The following ZNF28 variants were observed in gnomAD, a reference collection of about 807,000 sequenced individuals.
ZNF28 encodes zinc finger protein KOX24.
A neutral mutation model predicts 7.2 loss-of-function variants in ZNF28; 5 were observed. The ratio of observed to expected loss-of-function variants is 0.70; its 90% CI spans 0.36 to 1.46. The LOEUF is 1.46. Ranked by LOEUF, ZNF28 falls within the 40% of genes most tolerant of loss-of-function variation. The pLI, the probability that ZNF28 is intolerant of heterozygous loss-of-function variation, is 0.03. For missense variants in ZNF28, 879 were observed against 866.6 expected (o/e 1.01, Z -0.18); for synonymous variants, 288 against 292.4 (o/e 0.99, Z 0.15).
At chr19:52,811,692 C>G (rs2063043950) in intron 2 of ZNF28, among the ~76,000 whole-genome samples, 1 of 148,228 alleles carries the variant, frequency 6.7e-6, no homozygotes, top group African/African-American at 2.6e-5. Flanking sequence ...GCCCCTCCGT[C>G]CGGCAACCAC....
In ZNF28 at chr19:52,800,522, A is replaced by G. The variant is rs139908194; in HGVS notation, c.1323T>C (p.Cys441=). The G allele has an allele frequency of 8.0e-4, 1,283 of 1,613,696 alleles. 13 individuals carry two copies. The African/African-American group carries it at 0.015, about 19-fold the overall frequency. The change falls in exon 4 of 4, where the codon TGT becomes TGC. Residue 441 remains cysteine (C), a synonymous_variant. Coordinates refer to ENST00000457749, the MANE Select transcript of ZNF28 (RefSeq NM_006969.5). ...IIHTGEKPYK[C]NECGKVFNQQ... is the part of the protein sequence containing the mutation. ...GATTAAAAACCTTGCCACATTCATT[A>G]CACTTGTAAGGCTTCTCTCCAGTGT...
Position 52,810,589 on chromosome 19 carries a change from C to T in ZNF28, c.16-2456G>A, listed in dbSNP as rs1454506935. The T allele has an allele frequency of 5.5e-5, 86 of 1,573,034 alleles. 1 individual carries two copies. The highest frequency in any genetic ancestry group is 5.3e-4 in the South Asian group (48 of 90,296). On this transcript the variant is annotated intron_variant, in intron 2 of 3. Coordinates refer to ENST00000457749, the MANE Select transcript of ZNF28 (RefSeq NM_006969.5). ...GGGGTCTTCCACGAGCCCGCTACCG[C>T]GCCCGACCACCAACTACAGCAGTTC...
intron 2 of ZNF28, among the ~76,000 whole-genome samples, chr19:52,811,724 G>C (rs1349703543): frequency 4.7e-5 from 7 of 149,618 alleles, no homozygotes; most frequent in African/African-American, 1.3e-4. Flanking sequence ...AGTGAGGAGC[G>C]TCTCCGCCCG....
At chr19:52,802,761 CT>C (rs11347464) in intron 3 of ZNF28, among the ~76,000 whole-genome samples, 70,373 of 127,144 alleles carry the variant, frequency 0.55, 18,477 homozygotes, top group Non-Finnish European at 0.6. Flanking sequence ...CACGTTGTGA[CT>C]TTTTTTTTTT....
chr19:52,801,712 A>T lies in ZNF28; in HGVS notation c.143-10T>A, dbSNP rs771425326. ...CATTTGGAAGAGATATCTACAAAATATAAACACCAATAGGTTTCCAATGAA... is the reference window on the plus strand; with the variant it reads ...CATTTGGAAGAGATATCTACAAAATTTAAACACCAATAGGTTTCCAATGAA... On this transcript the variant is annotated splice_polypyrimidine_tract_variant and intron_variant, in intron 3 of 3. Coordinates refer to ENST00000457749, the MANE Select transcript of ZNF28 (RefSeq NM_006969.5). 8.7e-6 allele frequency: 14 copies of T among 1,606,536 alleles called. No homozygotes were observed. The highest frequency in any genetic ancestry group is 1.2e-5 in the Non-Finnish European group (14 of 1,175,966).
chr19:52,817,744 T>G (rs907669485), intron 2 of ZNF28, among the ~76,000 whole-genome samples, 200 bp downstream of exon 2: 2 of 152,064 alleles, frequency 1.3e-5, no homozygotes, highest in African/African-American at 2.4e-5. Context: ...CCATGCCCAG[T>G]GCAGCCTCTC....
intron 2 of ZNF28, chr19:52,809,721 C>T (rs755781000): frequency 2.0e-5 from 8 of 402,942 alleles, no homozygotes; most frequent in Non-Finnish European, 3.5e-5. Flanking sequence ...CAGCAAAACG[C>T]TTTAACCCAG....
chr19:52,801,678 TTCA>T lies in ZNF28; in HGVS notation c.164_166del (p.Met55del), dbSNP rs779999736. 7.4e-6 allele frequency: 12 copies of T among 1,611,306 alleles called. No homozygotes were observed. The highest frequency in any genetic ancestry group is 1.7e-6 in the Non-Finnish European group (2 of 1,179,020). ...GCCTTGCCCTGTTGAGAAGAATGTC[TTCA>T]TCATGCATTTGGAAGAGATATCTAC... is the stretch of plus-strand genomic sequence containing the variant. On this transcript the variant is annotated inframe_deletion, in exon 4 of 4. Transcript: ENST00000457749.
chr19:52,813,249 G>GAAAAAAAAAAAAAAAAAAAAAAAA (rs71183837), intron 2 of ZNF28, among the ~76,000 whole-genome samples: 3 of 62,984 alleles, frequency 4.8e-5, no homozygotes, highest in African/African-American at 1.8e-4. Flanking sequence ...CTTGAATGGT[G>GAAAAAAAAAAAAAAAAAAAAAAAA]AAAAAAAAAA....
chr19:52,799,779 TTC>T lies in ZNF28; in HGVS notation c.2064_2065del (p.Lys689ThrfsTer5), dbSNP rs1370166341. ...GCCACACTCATTACACTTGTAAGGTTTCTCTCCAGTATGAACTCTCTGATGCT... is the reference window on the plus strand; with the variant it reads ...GCCACACTCATTACACTTGTAAGGTTTCTCCAGTATGAACTCTCTGATGCT... On this transcript the variant is annotated frameshift_variant, in exon 4 of 4. Coordinates refer to ENST00000457749, the MANE Select transcript of ZNF28 (RefSeq NM_006969.5). LOFTEE classifies it low-confidence loss of function (END_TRUNC). 6.2e-7 allele frequency: 1 copy of T among 1,614,034 alleles called. No homozygotes were observed. The highest frequency in any genetic ancestry group is 1.3e-5 in the African/African-American group (1 of 74,938).
chr19:52,810,751 A>AT, intron 2 of ZNF28: 1 of 625,144 alleles, frequency 1.6e-6, no homozygotes. Flanking sequence ...AGAGGAAAGA[A>AT]GGGGAAAAAA....
At chr19:52,808,305 A>G (rs76214766) in intron 2 of ZNF28, among the ~76,000 whole-genome samples, 172 bp from the exon 3 acceptor site, 1 of 152,240 alleles carries the variant, frequency 6.6e-6, no homozygotes. Context: ...AGTGATCAAG[A>G]CACACTTTCA....
At chr19:52,805,148 T>C (rs1461808784) in intron 3 of ZNF28, 3 of 151,920 alleles carry the variant, frequency 2.0e-5, no homozygotes, top group Admixed American at 6.6e-5. Flanking sequence ...CACTCACCTG[T>C]AGTCCCAGCT....
chr19:52,800,939 T>C lies in ZNF28; in HGVS notation c.906A>G (p.Glu302=). 1 of 1,614,188 alleles carries C rather than the reference T, an allele frequency of 6.2e-7. No individual in the cohort carries two copies. Among genetic ancestry groups the C allele is most frequent in the Non-Finnish European group, 8.5e-7 (1 of 1,180,038 alleles). The change falls in exon 4 of 4, where the codon GAA becomes GAG. Residue 302 remains glutamate (E), a synonymous_variant. Coordinates refer to ENST00000457749, the MANE Select transcript of ZNF28 (RefSeq NM_006969.5). ...TGCGACTGAAAACTTTGTCACATTC[T>C]TCACATTCATAAGGTTTGTCTGCAG... ...LHTADKPYEC[E]ECDKVFSRKS... is the part of the protein sequence containing the mutation.
chr19:52,816,604 C>T (rs1445722271), intron 2 of ZNF28, among the ~76,000 whole-genome samples: 1 of 144,588 alleles, frequency 6.9e-6, no homozygotes, highest in African/African-American at 2.7e-5. Context: ...GCAGAGCTTG[C>T]AGTGAGCCAA....
chr19:52,801,790 C>A (rs545018186), intron 3 of ZNF28, 88 bp from the exon 4 acceptor site: 6 of 1,284,800 alleles, frequency 4.7e-6, no homozygotes, highest in Non-Finnish European at 6.4e-6. Flanking sequence ...AAAAACAATA[C>A]TTATTTTAAA....
At chr19:52,808,161 TGG>T (rs1334657335) in intron 2 of ZNF28, 28 bp from the exon 3 acceptor site, 3 of 1,611,164 alleles carry the variant, frequency 1.9e-6, no homozygotes, top group Middle Eastern at 1.7e-4. Context: ...TTTAACCAAA[TGG>T]TTATGGTGGA....
Position 52,800,323 on chromosome 19 carries a change from A to C in ZNF28, c.1522T>G (p.Ser508Ala). ...ACTCTCTGATGTTCTGTAAGGCATG[A>C]ATCACTCCGGAAAGCCTTGTCACAA... ...KVCDKAFRSD[S>A]CLTEHQRVHT... The change falls in exon 4 of 4, where the codon TCA becomes GCA. Residue 508 changes from serine to alanine, a missense_variant. Physicochemically the swap from Ser to Ala is moderately conservative, Grantham distance 99 (BLOSUM62 1). Around this residue, in one of 2 missense-constraint regions of ZNF28, gnomAD observed 864 missense variants for 830.2 expected, o/e 1.04. Transcript: ENST00000457749. 1 of 1,613,480 alleles carries C rather than the reference A, an allele frequency of 6.2e-7. No individual in the cohort carries two copies. Among genetic ancestry groups the C allele is most frequent in the Non-Finnish European group, 8.5e-7 (1 of 1,179,884 alleles).
intron 3 of ZNF28, among the ~76,000 whole-genome samples, chr19:52,803,219 G>A (rs1426640881): frequency 1.3e-5 from 2 of 152,074 alleles, no homozygotes; most frequent in Non-Finnish European, 2.9e-5. Flanking sequence ...TGGGAATGCA[G>A]GCACATGCCA....
Sources: gnomAD v4.1 joint callset for allele counts (sites outside exome capture counted in the v4.1 genomes callset) on GRCh38, gnomAD v4.1.1 for gene constraint, gnomAD v4.1.1 regional missense constraint, MANE v1.5 for transcripts, NCBI Gene and HGNC (gene_info 2026-07-23, HGNC 2026-07-21) for gene names.